SCHIP1: variants seen among roughly 807,000 people sequenced by gnomAD.
SCHIP1 encodes schwannomin-interacting protein 1.
A neutral mutation model predicts 29.7 loss-of-function variants in SCHIP1; 8 were observed. That is an observed-to-expected ratio of 0.27 (90% CI 0.16 to 0.49). The LOEUF is 0.49. Among genes scored for constraint, SCHIP1 ranks in the 20% least tolerant of loss-of-function variants. The probability of loss-of-function intolerance (pLI) is 0.99; values close to 1 mark genes in which losing one functional copy is unlikely to be tolerated. For synonymous variants in SCHIP1, 76 were observed against 94.9 expected, an observed-to-expected ratio of 0.80 and a Z score of 1.16; for missense variants, 193 against 294.6, an observed-to-expected ratio of 0.66 and a Z score of 2.52.
chr3:159,744,939 G>A, the SCHIP1 span, among the ~76,000 whole-genome samples: 50 of 152,090 alleles, frequency 3.3e-4, no homozygotes, highest in Middle Eastern at 3.4e-3. Flanking sequence ...CCGAGATTGC[G>A]CCACTGCACT....
At chr3:159,313,178 A>G in the SCHIP1 span, among the ~76,000 whole-genome samples, 2 of 152,226 alleles carry the variant, frequency 1.3e-5, no homozygotes, top group Non-Finnish European at 2.9e-5. Context: ...TCAGTGATTT[A>G]TAAGGATTAC....
At chr3:159,374,240 G>C in the SCHIP1 span, among the ~76,000 whole-genome samples, 1 of 152,050 alleles carries the variant, frequency 6.6e-6, no homozygotes, top group Non-Finnish European at 1.5e-5. Flanking sequence ...AGGGTAGATG[G>C]GGCTCTATTT....
the SCHIP1 span, among the ~76,000 whole-genome samples, chr3:159,423,303 T>C: frequency 6.6e-6 from 1 of 152,266 alleles, no homozygotes; most frequent in South Asian, 2.1e-4. Flanking sequence ...CCTTTCCTAG[T>C]CAAAGAAAGG....
chr3:159,518,575 G>A, the SCHIP1 span, among the ~76,000 whole-genome samples: 1 of 152,106 alleles, frequency 6.6e-6, no homozygotes, highest in Non-Finnish European at 1.5e-5. Context: ...TGGAGTGACT[G>A]TGGATTTCTG....
chr3:159,385,993 G>A, the SCHIP1 span, among the ~76,000 whole-genome samples: 1 of 152,130 alleles, frequency 6.6e-6, no homozygotes, highest in African/African-American at 2.4e-5. Flanking sequence ...ATGGTTTCCA[G>A]TTTTATCCAT....
At chr3:159,476,943 T>C in the SCHIP1 span, among the ~76,000 whole-genome samples, 1 of 152,166 alleles carries the variant, frequency 6.6e-6, no homozygotes, top group Non-Finnish European at 1.5e-5. Flanking sequence ...ACAATTCCAT[T>C]CCTTCCTTTC....
the SCHIP1 span, among the ~76,000 whole-genome samples, chr3:159,312,558 T>C: frequency 6.6e-6 from 1 of 152,136 alleles, no homozygotes; most frequent in Non-Finnish European, 1.5e-5. Flanking sequence ...CTGGGAACCA[T>C]GTTCTGACTG....
chr3:159,504,205 C>A, the SCHIP1 span, among the ~76,000 whole-genome samples: 4 of 152,268 alleles, frequency 2.6e-5, no homozygotes, highest in East Asian at 7.7e-4. Flanking sequence ...CACTTCTCTT[C>A]TTTTAAAATC....
the SCHIP1 span, among the ~76,000 whole-genome samples, chr3:159,725,613 C>A: frequency 6.6e-4 from 100 of 152,246 alleles, 1 homozygote; most frequent in Middle Eastern, 0.017. Context: ...TTCATTTCTG[C>A]CCACTCTCCC....
the SCHIP1 span, among the ~76,000 whole-genome samples, chr3:159,755,183 C>A: frequency 6.6e-6 from 1 of 152,126 alleles, no homozygotes; most frequent in South Asian, 2.1e-4. Context: ...TGCAGTGAGC[C>A]AACATCACGC....
chr3:159,782,269 A>C, the SCHIP1 span, among the ~76,000 whole-genome samples: 6 of 152,246 alleles, frequency 3.9e-5, no homozygotes, highest in Non-Finnish European at 5.9e-5. Flanking sequence ...AATACTATTC[A>C]TCCCATTTTA....
At chr3:159,892,271 G>C in intron 6 of SCHIP1, 81 bp downstream of exon 7, 1 of 1,518,756 alleles carries the variant, frequency 6.6e-7, no homozygotes, top group Non-Finnish European at 9.0e-7. Flanking sequence ...ACTAGCTCAA[G>C]AGAACTTCTT....
At chr3:159,765,019 C>T in the SCHIP1 span, 1 of 1,538,958 alleles carries the variant, frequency 6.5e-7, no homozygotes, top group Non-Finnish European at 8.8e-7. Context: ...GACGTGCGTC[C>T]CCGAAGAGCC....
the SCHIP1 span, among the ~76,000 whole-genome samples, chr3:159,439,203 T>A: frequency 6.6e-6 from 1 of 152,140 alleles, no homozygotes; most frequent in African/African-American, 2.4e-5. Context: ...TGAGATGGTA[T>A]CTGTATTAGT....
chr3:159,348,628 C>T, the SCHIP1 span, among the ~76,000 whole-genome samples: 4 of 152,028 alleles, frequency 2.6e-5, no homozygotes, highest in Non-Finnish European at 5.9e-5. Flanking sequence ...TTATATATTC[C>T]GTCAGAAATG....
chr3:159,652,661 G>GATAA, the SCHIP1 span, among the ~76,000 whole-genome samples: 6 of 152,158 alleles, frequency 3.9e-5, no homozygotes, highest in Non-Finnish European at 8.8e-5. Context: ...TGGGTGGGGA[G>GATAA]GGGTGTGCAA....
chr3:159,676,099 C>G, the SCHIP1 span, among the ~76,000 whole-genome samples: 1 of 152,228 alleles, frequency 6.6e-6, no homozygotes, highest in Non-Finnish European at 1.5e-5. Flanking sequence ...CCCCTGCACT[C>G]CAGCCTGAGC....
the SCHIP1 span, among the ~76,000 whole-genome samples, chr3:159,790,571 A>G: frequency 7.2e-5 from 11 of 152,194 alleles, no homozygotes; most frequent in Non-Finnish European, 8.8e-5. Flanking sequence ...CTGTAGTCCC[A>G]GCGACTTGGG....
chr3:159,495,093 G>A, the SCHIP1 span, among the ~76,000 whole-genome samples: 1 of 152,192 alleles, frequency 6.6e-6, no homozygotes, highest in Non-Finnish European at 1.5e-5. Flanking sequence ...GTTAGGCATT[G>A]ATGGGACGTA....
Sources: gnomAD v4.1 joint callset for allele counts (sites outside exome capture counted in the v4.1 genomes callset) on GRCh38, gnomAD v4.1.1 for gene constraint, MANE v1.5 for transcripts, NCBI Gene and HGNC (gene_info 2026-07-23, HGNC 2026-07-21) for gene names.